Variants in DAPK2 observed in about 807,000 individuals in gnomAD.
DAPK2 encodes the protein death associated protein kinase 2, also known as death-associated protein kinase 2.
In DAPK2, 35 loss-of-function variants were observed where a neutral mutation model predicts 44.1. The ratio of observed to expected loss-of-function variants is 0.79; its 90% CI spans 0.61 to 1.05. The LOEUF is 1.05. DAPK2 is among the 50% of genes least tolerant of loss of function. The probability of loss-of-function intolerance (pLI) is 0.00; values close to 1 mark genes in which losing one functional copy is unlikely to be tolerated. For synonymous variants in DAPK2, 174 were observed against 182.6 expected, an observed-to-expected ratio of 0.95 and a Z score of 0.38; for missense variants, 453 against 483.2, an observed-to-expected ratio of 0.94 and a Z score of 0.59.
At chr15:63,979,010 C>A (rs554114130) in intron 2 of DAPK2, among the ~76,000 whole-genome samples, 2 of 152,202 alleles carry the variant, frequency 1.3e-5, no homozygotes, top group African/African-American at 2.4e-5. Context: ...AATTCAGGAA[C>A]CTGGGAAGCA....
At chr15:63,946,885 G>A (rs560673368) in intron 3 of DAPK2, among the ~76,000 whole-genome samples, 119 of 152,292 alleles carry the variant, frequency 7.8e-4, no homozygotes, top group African/African-American at 2.7e-3. Context: ...AGGCAGTGCT[G>A]GGCAACCTGA....
chr15:63,993,731 T>C (rs1040082958), intron 1 of DAPK2, among the ~76,000 whole-genome samples: 2 of 152,068 alleles, frequency 1.3e-5, no homozygotes, highest in Non-Finnish European at 2.9e-5. Context: ...CTTCCAAGCT[T>C]CCTTTTCCCT....
chr15:63,914,202 T>C (rs980167417), intron 8 of DAPK2, among the ~76,000 whole-genome samples: 1 of 140,410 alleles, frequency 7.1e-6, no homozygotes, highest in Non-Finnish European at 1.6e-5. Context: ...TGCCCAGGAG[T>C]CAGTAGGATG....
intron 2 of DAPK2, among the ~76,000 whole-genome samples, chr15:63,977,931 C>CT (rs2078398495): frequency 1.3e-5 from 2 of 152,160 alleles, no homozygotes; most frequent in Non-Finnish European, 2.9e-5. Flanking sequence ...AATGGAAAGG[C>CT]TCAAAGCAGC....
rs2079441784 is a variant in DAPK2 at position 64,013,462 on chromosome 15, C to G, written c.92+26708G>C. Reference sequence around the variant, plus strand: ...GTGAAACCAGGAGAGAAGCTTTCAACAGCTATGTCTCTGATTACCTTGCAT... The same window carrying G: ...GTGAAACCAGGAGAGAAGCTTTCAAGAGCTATGTCTCTGATTACCTTGCAT... On this transcript the variant is annotated intron_variant, in intron 1 of 10. Transcript: ENST00000261891. This position sits in a 1 kb window ranked among gnomAD's most constrained non-coding sequence, Gnocchi z 4.7. Among the ~76,000 whole-genome samples the G allele has an allele frequency of 6.6e-6, 1 of 152,150 alleles. No homozygotes were observed. The highest frequency in any genetic ancestry group is 2.4e-5 in the African/African-American group (1 of 41,416).
At position 63,966,467 on chromosome 15, in the gene DAPK2, C is replaced by T. The variant is rs1203058055; in HGVS notation, c.453+4956G>A. On this transcript the variant is annotated intron_variant, in intron 3 of 10. Coordinates refer to ENST00000261891, the Ensembl canonical transcript of DAPK2. The surrounding 1 kb of genome is among the most constrained non-coding windows in gnomAD (Gnocchi z 5.5). ...TCTCACTAGGTGTACCCTCCAAGTC[C>T]TCTGGCTCCAAGCACAGCACAGGAC... Among the ~76,000 whole-genome samples, 1 of 152,196 alleles carries T rather than the reference C, an allele frequency of 6.6e-6. No homozygotes were observed. The highest frequency in any genetic ancestry group is 1.5e-5 in the Non-Finnish European group (1 of 68,036).
At chr15:64,015,808 C>G (rs2079511116) in intron 1 of DAPK2, among the ~76,000 whole-genome samples, 1 of 152,152 alleles carries the variant, frequency 6.6e-6, no homozygotes, top group South Asian at 2.1e-4. Flanking sequence ...AAAGGATCAC[C>G]AGCAGCCACC....
At position 63,966,699 on chromosome 15, in the gene DAPK2, T is replaced by C. The variant is rs563661650; in HGVS notation, c.453+4724A>G. ...GGTTCTGCCTGGTATTGCTTTCTGC[T>C]GTGACAGGGCAGCACTGAGTTTCAA... On this transcript the variant is annotated intron_variant, in intron 3 of 10. Coordinates refer to ENST00000261891, the Ensembl canonical transcript of DAPK2. The surrounding 1 kb of genome is among the most constrained non-coding windows in gnomAD (Gnocchi z 5.5). 3.9e-5 allele frequency among the ~76,000 whole-genome samples: 6 copies of C among 152,326 alleles called. No individual in the cohort carries two copies. Among genetic ancestry groups the C allele is most frequent in the African/African-American group, 1.4e-4 (6 of 41,564 alleles).
intron 8 of DAPK2, among the ~76,000 whole-genome samples, chr15:63,914,950 T>TA (rs1220038392): frequency 4.6e-5 from 7 of 152,240 alleles, no homozygotes; most frequent in Non-Finnish European, 8.8e-5. Flanking sequence ...TTTATTCACA[T>TA]TCAGTCCTCA....
intron 1 of DAPK2, among the ~76,000 whole-genome samples, chr15:63,996,783 G>GGAC (rs1348850223): frequency 6.6e-6 from 1 of 152,162 alleles, no homozygotes; most frequent in Non-Finnish European, 1.5e-5. Flanking sequence ...GCCCAAGGGA[G>GGAC]GACTACTCAG....
chr15:63,954,059 C>T (rs916999289), intron 3 of DAPK2, among the ~76,000 whole-genome samples: 16 of 151,908 alleles, frequency 1.1e-4, no homozygotes, highest in African/African-American at 3.6e-4. Flanking sequence ...GTTATTAATC[C>T]CTTGTCAAAT....
intron 2 of DAPK2, among the ~76,000 whole-genome samples, chr15:63,979,772 C>T (rs2078451729): frequency 6.6e-6 from 1 of 152,000 alleles, no homozygotes; most frequent in Admixed American, 6.6e-5. Context: ...AAAAATTAGC[C>T]AGGCATGGGG....
chr15:63,983,863 G>T, intron 1 of DAPK2, 109 bp from the exon 3 acceptor site: 1 of 1,108,402 alleles, frequency 9.0e-7, no homozygotes, highest in Non-Finnish European at 1.3e-6. Context: ...TGCCAGGACA[G>T]GACAAATCAT....
At chr15:64,007,029 C>CGAAAGA (rs2079249640) in intron 1 of DAPK2, among the ~76,000 whole-genome samples, 1 of 152,150 alleles carries the variant, frequency 6.6e-6, no homozygotes, top group Non-Finnish European at 1.5e-5. Context: ...TGGGCCCACC[C>CGAAAGA]TCACTTTACT....
At chr15:63,997,930 C>T (rs991736688) in intron 1 of DAPK2, among the ~76,000 whole-genome samples, 7 of 152,020 alleles carry the variant, frequency 4.6e-5, no homozygotes, top group African/African-American at 1.7e-4. Flanking sequence ...ATGATGATTT[C>T]ATGCACTGAT....
At chr15:63,998,678 A>T (rs1294835373) in intron 1 of DAPK2, among the ~76,000 whole-genome samples, 1 of 152,236 alleles carries the variant, frequency 6.6e-6, no homozygotes, top group Admixed American at 6.5e-5. Context: ...CCGTAACAGT[A>T]GGTGCTTTCC....
intron 3 of DAPK2, among the ~76,000 whole-genome samples, chr15:63,968,937 A>G (rs934016873): frequency 6.6e-6 from 1 of 152,328 alleles, no homozygotes; most frequent in East Asian, 1.9e-4. Context: ...AAGACACAAT[A>G]AAACAACAAG....
At chr15:63,915,208 G>A (rs925073335) in intron 8 of DAPK2, among the ~76,000 whole-genome samples, 1 of 152,102 alleles carries the variant, frequency 6.6e-6, no homozygotes, top group Non-Finnish European at 1.5e-5. Context: ...GCGTATTTCT[G>A]ATCTGTGGTT....
At chr15:63,986,355 G>C (rs904820229) in intron 1 of DAPK2, among the ~76,000 whole-genome samples, 2 of 152,252 alleles carry the variant, frequency 1.3e-5, no homozygotes, top group African/African-American at 4.8e-5. Context: ...TGTGAAGGCT[G>C]AGCAAGAGAC....
Sources: gnomAD v4.1 joint callset for allele counts (sites outside exome capture counted in the v4.1 genomes callset) on GRCh38, gnomAD v4.1.1 for gene constraint, Gnocchi (gnomAD v3.1) non-coding constraint, MANE v1.5 for transcripts, NCBI Gene and HGNC (gene_info 2026-07-23, HGNC 2026-07-21) for gene names.